Variants in PTAR1 observed in about 807,000 individuals in gnomAD.
PTAR1 encodes protein prenyltransferase alpha subunit repeat-containing protein 1.
A neutral mutation model predicts 45.5 loss-of-function variants in PTAR1; 17 were observed. That is an observed-to-expected ratio of 0.37 (90% CI 0.26 to 0.56). PTAR1 has a LOEUF of 0.56. PTAR1 is among the 20% of genes least tolerant of loss of function. The probability of loss-of-function intolerance (pLI) is 0.77; values close to 1 mark genes in which losing one functional copy is unlikely to be tolerated. For synonymous variants in PTAR1, 169 were observed against 171.3 expected, an observed-to-expected ratio of 0.99 and a Z score of 0.11; for missense variants, 391 against 476.3, an observed-to-expected ratio of 0.82 and a Z score of 1.67.
intron 1 of PTAR1, among the ~76,000 whole-genome samples, chr9:69,754,090 G>A (rs1419703968): frequency 6.6e-6 from 1 of 152,024 alleles, no homozygotes; most frequent in Non-Finnish European, 1.5e-5. Context: ...AACATAGGTA[G>A]GTCAGTAAGC....
At chr9:69,725,706 A>G (rs1165908132) in intron 5 of PTAR1, among the ~76,000 whole-genome samples, 1 of 152,040 alleles carries the variant, frequency 6.6e-6, no homozygotes, top group Non-Finnish European at 1.5e-5. Flanking sequence ...AAAGATGCAT[A>G]TTAGAAACTT....
At chr9:69,731,681 A>G (rs1180601735) in intron 5 of PTAR1, among the ~76,000 whole-genome samples, 1 of 152,180 alleles carries the variant, frequency 6.6e-6, no homozygotes, top group Non-Finnish European at 1.5e-5. Context: ...GGTAATTTAT[A>G]GGCTCAGCCA....
At chr9:69,741,987 A>C in intron 2 of PTAR1, 129 bp from the exon 3 acceptor site, 1 of 621,374 alleles carries the variant, frequency 1.6e-6, no homozygotes, top group South Asian at 2.0e-5. Context: ...TACTAACTTT[A>C]ATGATAAATT....
intron 6 of PTAR1, among the ~76,000 whole-genome samples, 170 bp from the exon 7 acceptor site, chr9:69,718,854 A>G (rs1824849424): frequency 6.6e-6 from 1 of 152,144 alleles, no homozygotes; most frequent in African/African-American, 2.4e-5. Flanking sequence ...ATGTTCCAGG[A>G]TATTTGGACA....
intron 5 of PTAR1, among the ~76,000 whole-genome samples, chr9:69,729,184 G>C (rs941715580): frequency 6.6e-6 from 1 of 152,238 alleles, no homozygotes; most frequent in Non-Finnish European, 1.5e-5. Flanking sequence ...GCTGGGCGTG[G>C]TAGTGGGTGC....
chr9:69,734,884 T>C (rs1337684489), intron 3 of PTAR1, among the ~76,000 whole-genome samples: 1 of 152,232 alleles, frequency 6.6e-6, no homozygotes, highest in Non-Finnish European at 1.5e-5. Context: ...TGATTCTATA[T>C]AATCTTTGTA....
intron 1 of PTAR1, among the ~76,000 whole-genome samples, chr9:69,752,361 C>T (rs1826570582): frequency 6.6e-6 from 1 of 152,044 alleles, no homozygotes; most frequent in African/African-American, 2.4e-5. Flanking sequence ...GGAAACTAAA[C>T]TGAATAGCTT....
rs1293778627 is a variant in PTAR1 at position 69,760,004 on chromosome 9, C to T, written c.-66G>A. Reference sequence around the variant, plus strand: ...AGCCGGGCCGCCGGCGGGAGTTCCGCGGAGAACGAGCGCGCGCGCGCGCGC... The same window carrying T: ...AGCCGGGCCGCCGGCGGGAGTTCCGTGGAGAACGAGCGCGCGCGCGCGCGC... On this transcript the variant is annotated 5_prime_UTR_variant, in exon 1 of 8. Coordinates refer to ENST00000340434, the MANE Select transcript of PTAR1 (RefSeq NM_001099666.2). 1.5e-6 allele frequency: 2 copies of T among 1,323,750 alleles called. No homozygotes were observed. Among genetic ancestry groups the T allele is most frequent in the Non-Finnish European group, 1.9e-6 (2 of 1,028,112 alleles). The allele number at this position is 1,323,750 out of a possible 1,614,324, so 82.0% of individuals were successfully genotyped here.
intron 1 of PTAR1, among the ~76,000 whole-genome samples, chr9:69,754,617 T>C (rs1466677754): frequency 1.4e-5 from 2 of 142,950 alleles, no homozygotes; most frequent in African/African-American, 5.2e-5. Flanking sequence ...CCTCACTCAC[T>C]GCAGCCTCCA....
chr9:69,739,562 T>C (rs1564139660), intron 3 of PTAR1, among the ~76,000 whole-genome samples: 3 of 152,218 alleles, frequency 2.0e-5, no homozygotes, highest in Non-Finnish European at 4.4e-5. Context: ...GTCTATTGCA[T>C]TATTCTTTAG....
intron 1 of PTAR1, among the ~76,000 whole-genome samples, chr9:69,755,397 G>T (rs1365029021): frequency 6.6e-6 from 1 of 152,144 alleles, no homozygotes; most frequent in Non-Finnish European, 1.5e-5. Context: ...TACTGACTTT[G>T]TTCCTTATGT....
chr9:69,727,316 TC>T (rs1418068893), intron 5 of PTAR1, among the ~76,000 whole-genome samples: 1 of 152,048 alleles, frequency 6.6e-6, no homozygotes, highest in Non-Finnish European at 1.5e-5. Context: ...AACTCCCTGT[TC>T]CCCACCACAA....
chr9:69,730,621 G>A (rs1056256840), intron 5 of PTAR1, among the ~76,000 whole-genome samples: 10 of 147,026 alleles, frequency 6.8e-5, no homozygotes, highest in African/African-American at 2.5e-4. Context: ...TATTTCCAAC[G>A]AGCGCATCCT....
At chr9:69,756,794 T>C (rs1340940661) in intron 1 of PTAR1, among the ~76,000 whole-genome samples, 1 of 152,226 alleles carries the variant, frequency 6.6e-6, no homozygotes, top group African/African-American at 2.4e-5. Context: ...ACTTTTACTA[T>C]AAACTACTTT....
chr9:69,746,971 G>A (rs185845375), intron 2 of PTAR1, among the ~76,000 whole-genome samples: 1 of 152,242 alleles, frequency 6.6e-6, no homozygotes, highest in East Asian at 1.9e-4. Context: ...AATACATTCA[G>A]GTTACCACAA....
At position 69,710,394 on chromosome 9, in the gene PTAR1, G is replaced by C. The variant is rs1378566603; in HGVS notation, c.*7948C>G. The C allele has an allele frequency of 1.3e-5, 2 of 151,678 alleles. No individual in the cohort carries two copies. The highest frequency in any genetic ancestry group is 4.8e-5 in the African/African-American group (2 of 41,256). The allele number at this position is 151,678 out of a possible 1,614,324, so 9.4% of individuals were successfully genotyped here. On this transcript the variant is annotated 3_prime_UTR_variant, in exon 8 of 8. Coordinates refer to ENST00000340434, the MANE Select transcript of PTAR1 (RefSeq NM_001099666.2). ...TTTTGCTTGTTTCTTTTTTAATATG[G>C]CTACTAGAAAATTAAAAATTATGTT... is the stretch of plus-strand genomic sequence containing the variant.
In PTAR1 at chr9:69,741,800, C is replaced by G; in HGVS notation, c.315G>C (p.Trp105Cys). ...LLLNPDFTTA[W>C]NVRKELILSG... ...TAATGAAAATGACATACCTCACGTT[C>G]CATGCAGTGGTAAAGTCTGGGTTTA... Residue 105 changes from tryptophan to cysteine, a missense_variant, in exon 3 of 8, where the codon TGG (tryptophan) becomes TGC (cysteine). Transcript: ENST00000340434. The G allele has an allele frequency of 6.3e-7, 1 of 1,594,524 alleles. No individual in the cohort carries two copies. The highest frequency in any genetic ancestry group is 8.6e-7 in the Non-Finnish European group (1 of 1,167,194).
At chr9:69,722,895 C>T (rs1011633776) in intron 6 of PTAR1, among the ~76,000 whole-genome samples, 10 of 145,422 alleles carry the variant, frequency 6.9e-5, no homozygotes, top group East Asian at 2.0e-4. Context: ...GCCGAGATCG[C>T]GCTATTGCAC....
chr9:69,718,642 A>G lies in PTAR1; in HGVS notation c.982+8T>C. 3.1e-6 allele frequency: 5 copies of G among 1,606,704 alleles called. No individual in the cohort carries two copies. Among genetic ancestry groups the G allele is most frequent in the Non-Finnish European group, 4.3e-6 (5 of 1,175,966 alleles). ...GTGACAACTGGGTCATGCTGTGAGG[A>G]AACCTACCATTTAAGTGATGCTGAA... On this transcript the variant is annotated splice_region_variant and intron_variant, in intron 7 of 7. Coordinates refer to ENST00000340434, the MANE Select transcript of PTAR1 (RefSeq NM_001099666.2).
Sources: allele counts gnomAD v4.1 joint callset (sites outside exome capture counted in the v4.1 genomes callset), GRCh38; gene constraint gnomAD v4.1.1; transcripts MANE v1.5; gene names NCBI Gene and HGNC (gene_info 2026-07-23, HGNC 2026-07-21).